The following KMT2C variants were observed in gnomAD, a reference collection of about 807,000 sequenced individuals.
The protein encoded by KMT2C is lysine methyltransferase 2C.
KMT2C carries 88 observed loss-of-function variants against 507.9 expected under a neutral mutation model. That is an observed-to-expected ratio of 0.17 (90% CI 0.15 to 0.21). The LOEUF (loss-of-function observed/expected upper bound fraction) is 0.21, where lower values mean the gene tolerates loss of function less well. Ranked by LOEUF, KMT2C falls within the 10% of genes least tolerant of loss-of-function variation. The pLI, the probability that KMT2C is intolerant of heterozygous loss-of-function variation, is 1.00. For missense variants in KMT2C, 4,954 were observed against 5,957.8 expected (o/e 0.83, Z 5.55); for synonymous variants, 2,049 against 2,080.8 (o/e 0.98, Z 0.42).
At chr7:152,161,417 T>G (rs541307596) in intron 43 of KMT2C, among the ~76,000 whole-genome samples, 1 of 152,348 alleles carries the variant, frequency 6.6e-6, no homozygotes, top group South Asian at 2.1e-4. Context: ...CTGCACCTTC[T>G]GAAAGATAAA....
intron 44 of KMT2C, chr7:152,157,814 CA>C: frequency 7.5e-7 from 1 of 1,327,368 alleles, no homozygotes; most frequent in South Asian, 1.2e-5. Context: ...GTAGCACTGC[CA>C]AAAGTTCCTA....
At chr7:152,363,530 C>G (rs1383507408) in intron 1 of KMT2C, among the ~76,000 whole-genome samples, 1 of 152,032 alleles carries the variant, frequency 6.6e-6, no homozygotes, top group Non-Finnish European at 1.5e-5. Flanking sequence ...AAGAAACAAC[C>G]TTATTATAAG....
intron 2 of KMT2C, among the ~76,000 whole-genome samples, chr7:152,338,542 A>G (rs867816094): frequency 6.6e-6 from 1 of 152,214 alleles, no homozygotes; most frequent in South Asian, 2.1e-4. Context: ...GCTAAAACTA[A>G]AAGGATAAAT....
chr7:152,136,951 G>A, intron 58 of KMT2C, 27 bp from the exon 59 acceptor site: 1 of 1,564,240 alleles, frequency 6.4e-7, no homozygotes. Flanking sequence ...CACAGGGTAA[G>A]AAAGGACAGC....
intron 1 of KMT2C, among the ~76,000 whole-genome samples, chr7:152,386,781 T>G (rs2097432531): frequency 6.6e-6 from 1 of 152,274 alleles, no homozygotes; most frequent in African/African-American, 2.4e-5. Context: ...CAACAACCAT[T>G]ATTCCTATTC....
Position 152,355,349 on chromosome 7 carries a change from T to C in KMT2C, c.250+3238A>G, listed in dbSNP as rs189930360. On this transcript the variant is annotated intron_variant, in intron 2 of 58. Coordinates refer to ENST00000262189, the MANE Select transcript of KMT2C (RefSeq NM_170606.3). ...TCCTCTTCAGACATCTAAGAAGAGA[T>C]GTTAAGAAACAAGCTGAAAGATACA... Among the ~76,000 whole-genome samples, 336 of 152,176 alleles carry C rather than the reference T, an allele frequency of 2.2e-3. 3 individuals carry two copies. The highest frequency in any genetic ancestry group is 0.01 in the Middle Eastern group (3 of 294).
chr7:152,316,076 C>T (rs1460543929), intron 3 of KMT2C, among the ~76,000 whole-genome samples: 2 of 151,932 alleles, frequency 1.3e-5, no homozygotes, highest in African/African-American at 4.8e-5. Context: ...TGCATACACA[C>T]GGGGAGATAT....
rs572223629 is a variant in KMT2C, at chr7:152,243,601, G to A, written c.2532+4301C>T. 6.4e-4 allele frequency among the ~76,000 whole-genome samples: 97 copies of A among 152,104 alleles called. 1 individual carries two copies. Among genetic ancestry groups the A allele is most frequent in the African/African-American group, 2.1e-3 (87 of 41,474 alleles). On this transcript the variant is annotated intron_variant, in intron 14 of 58. Transcript: ENST00000262189. Reference sequence around the variant, plus strand: ...ATTCGAGACCAGCCTAACCAATATGGCGAAACACCGTCTCTACTAAAAATA... The same window carrying A: ...ATTCGAGACCAGCCTAACCAATATGACGAAACACCGTCTCTACTAAAAATA...
chr7:152,209,743 TAAAA>T (rs1174360544), intron 23 of KMT2C, among the ~76,000 whole-genome samples: 3 of 116,340 alleles, frequency 2.6e-5, no homozygotes, highest in African/African-American at 9.5e-5. Flanking sequence ...CAATCTCCTT[TAAAA>T]AAAAAAAAAA....
rs2129120263 is a variant in KMT2C at position 152,181,742 on chromosome 7, G to A, written c.6118C>T (p.Pro2040Ser). The A allele has an allele frequency of 6.2e-7, 1 of 1,614,098 alleles. No homozygotes were observed. Among genetic ancestry groups the A allele is most frequent in the Non-Finnish European group, 8.5e-7 (1 of 1,180,020 alleles). Residue 2040 changes from proline to serine, a missense_variant, in exon 36 of 59, where the codon CCT (proline) becomes TCT (serine). Coordinates refer to ENST00000262189, the MANE Select transcript of KMT2C (RefSeq NM_170606.3). ...TGCATTGGAGTCTTAAAAGGTCCAGGACCACTATCAAGAGGTGCAGGTGTC... is the reference window on the plus strand; with the variant it reads ...TGCATTGGAGTCTTAAAAGGTCCAGAACCACTATCAAGAGGTGCAGGTGTC... Reference protein sequence around the residue: ...LLTPAPLDSGPGPFKTPMQPP... With the variant: ...LLTPAPLDSGSGPFKTPMQPP...
chr7:152,296,832 G>A lies in KMT2C; in HGVS notation c.849+13134C>T, dbSNP rs908678827. Reference sequence around the variant, plus strand: ...GGATTATCGGATTTACGCTCCTCCTGAAACAACCATAAAAAATGAAGACAT... The same window carrying A: ...GGATTATCGGATTTACGCTCCTCCTAAAACAACCATAAAAAATGAAGACAT... On this transcript the variant is annotated intron_variant, in intron 6 of 58. Transcript: ENST00000262189. Among the ~76,000 whole-genome samples, 17 of 151,544 alleles carry A rather than the reference G, an allele frequency of 1.1e-4. 1 individual carries two copies. Among genetic ancestry groups the A allele is most frequent in the Admixed American group, 9.9e-4 (15 of 15,220 alleles).
At chr7:152,155,598 A>C (rs1447545378) in intron 46 of KMT2C, among the ~76,000 whole-genome samples, 2 of 152,236 alleles carry the variant, frequency 1.3e-5, no homozygotes, top group African/African-American at 4.8e-5. Flanking sequence ...ATGATTTCTG[A>C]AATATGTTGC....
chr7:152,248,121 T>C lies in KMT2C; in HGVS notation c.2313A>G (p.Ser771=), dbSNP rs2095506475. ...CTGCCTTGCTTATGTCTGCTGATGA[T>C]GAAAATGATGACTCTGTCTCAGATG... is the stretch of plus-strand genomic sequence containing the variant. ...KLSSETESSF[S]SSADISKADV... is the part of the protein sequence containing the mutation. The change falls in exon 14 of 59, where the codon TCA becomes TCG. Residue 771 remains serine (S), a synonymous_variant. Coordinates refer to ENST00000262189, the MANE Select transcript of KMT2C (RefSeq NM_170606.3). 1 of 1,614,220 alleles carries C rather than the reference T, an allele frequency of 6.2e-7. No individual in the cohort carries two copies. The highest frequency in any genetic ancestry group is 8.5e-7 in the Non-Finnish European group (1 of 1,180,012).
chr7:152,300,026 TTACTC>T (rs750903164), intron 6 of KMT2C, among the ~76,000 whole-genome samples: 5 of 152,310 alleles, frequency 3.3e-5, no homozygotes, highest in Non-Finnish European at 4.4e-5. Context: ...AACAGTCTCT[TTACTC>T]TGCTCAAAGT....
chr7:152,139,801 A>C lies in KMT2C; in HGVS notation c.14344-10T>G. The C allele has an allele frequency of 6.3e-7, 1 of 1,591,648 alleles. No homozygotes were observed. Among genetic ancestry groups the C allele is most frequent in the Non-Finnish European group, 8.6e-7 (1 of 1,159,896 alleles). ...CATACAGGCCCAGCCCCTAAAAAAA[A>C]GTGTGTACATACTTCCAATTTATGT... On this transcript the variant is annotated splice_polypyrimidine_tract_variant and intron_variant, in intron 55 of 58. Coordinates refer to ENST00000262189, the MANE Select transcript of KMT2C (RefSeq NM_170606.3).
intron 1 of KMT2C, among the ~76,000 whole-genome samples, chr7:152,392,951 C>T (rs1419793965): frequency 2.0e-5 from 3 of 152,014 alleles, no homozygotes; most frequent in Admixed American, 1.3e-4. Context: ...AAACATTAGC[C>T]GGGTGTGGTG....
Position 152,176,448 on chromosome 7 carries a change from T to C in KMT2C, c.9005A>G (p.His3002Arg), listed in dbSNP as rs1447614610. 6.8e-6 allele frequency: 11 copies of C among 1,614,206 alleles called. No individual in the cohort carries two copies. Among genetic ancestry groups the C allele is most frequent in the Non-Finnish European group, 9.3e-6 (11 of 1,180,036 alleles). The change falls in exon 38 of 59, where the codon CAC becomes CGC. Residue 3002 changes from histidine (H) to arginine (R), a missense_variant. By Grantham distance (29) the His-to-Arg change is conservative. Coordinates refer to ENST00000262189, the MANE Select transcript of KMT2C (RefSeq NM_170606.3). Reference sequence around the variant, plus strand: ...TGCAGGTTTTCCTGTCCCCAGACTGTGGTTAACTGTTGATTGACCTGGAAT... The same window carrying C: ...TGCAGGTTTTCCTGTCCCCAGACTGCGGTTAACTGTTGATTGACCTGGAAT... The part of the protein sequence containing the change: ...GLIPGQSTVN[H>R]SLGTGKPATQ...
In KMT2C at chr7:152,352,653, G is replaced by A. The variant is rs1253980812; in HGVS notation, c.250+5934C>T. Among the ~76,000 whole-genome samples, 6 of 152,224 alleles carry A rather than the reference G, an allele frequency of 3.9e-5. No individual in the cohort carries two copies. In the East Asian group the frequency reaches 9.7e-4, roughly 24 times the overall value. Reference sequence around the variant, plus strand: ...AAAAGAACCTACGTGAATTATCGGGGGTGAATTTTGCCCAATATCTGGCTG... The same window carrying A: ...AAAAGAACCTACGTGAATTATCGGGAGTGAATTTTGCCCAATATCTGGCTG... On this transcript the variant is annotated intron_variant, in intron 2 of 58. Coordinates refer to ENST00000262189, the MANE Select transcript of KMT2C (RefSeq NM_170606.3).
At position 152,417,938 on chromosome 7, in the gene KMT2C, AC is replaced by A. The variant is rs1483429359; in HGVS notation, c.161+17687del. ...ATTACAGGCATGAGCCACCGCGCCC[AC>A]CCTCTTTCTTTTAAAAAAAAAAAAA... On this transcript the variant is annotated intron_variant, in intron 1 of 58. Transcript: ENST00000262189. Among the ~76,000 whole-genome samples the A allele has an allele frequency of 1.2e-4, 10 of 81,598 alleles. No individual in the cohort carries two copies. In the East Asian group the frequency reaches 3.2e-3, roughly 26 times the overall value. 53.5% of individuals were successfully genotyped at this position (81,598 alleles called of 152,430 possible).
Sources: gnomAD v4.1 joint callset for allele counts (sites outside exome capture counted in the v4.1 genomes callset) on GRCh38, gnomAD v4.1.1 for gene constraint, MANE v1.5 for transcripts, NCBI Gene and HGNC (gene_info 2026-07-23, HGNC 2026-07-21) for gene names.